The following VPS50 variants were observed in gnomAD, a reference collection of about 807,000 sequenced individuals.
The protein encoded by VPS50 is VPS50 subunit of EARP/GARPII complex.
Under a neutral mutation model 139.7 loss-of-function variants are expected in VPS50, and 70 were observed. The observed-to-expected ratio is 0.50, with a 90% CI of 0.41 to 0.61. The LOEUF (loss-of-function observed/expected upper bound fraction) is 0.61, where lower values mean the gene tolerates loss of function less well. Among genes scored for constraint, VPS50 ranks in the 20% least tolerant of loss-of-function variants. VPS50 has a pLI of 0.00. For synonymous variants in VPS50, 365 were observed against 376.7 expected (o/e 0.97, Z 0.36); for missense variants, 921 against 1,133.7 (o/e 0.81, Z 2.69).
chr7:93,328,706 G>C (rs1797853044), intron 21 of VPS50, among the ~76,000 whole-genome samples: 1 of 152,158 alleles, frequency 6.6e-6, no homozygotes, highest in Admixed American at 6.6e-5. Flanking sequence ...GCGGCCCACG[G>C]TGGGGAACAA....
At chr7:93,272,117 T>C (rs1212157030) in intron 10 of VPS50, among the ~76,000 whole-genome samples, 3 of 151,816 alleles carry the variant, frequency 2.0e-5, no homozygotes, top group African/African-American at 7.2e-5. Context: ...TATTAAAAAC[T>C]CTTATTTCAA....
chr7:93,360,252 A>C lies in VPS50; in HGVS notation c.*1816A>C, dbSNP rs897825482. ...AGGAATCACCTGCCTGGTAGAGCCC[A>C]GTGTTTTCCAAGGTAATAGGAATTG... On this transcript the variant is annotated 3_prime_UTR_variant, in exon 28 of 28. Coordinates refer to ENST00000305866, the MANE Select transcript of VPS50 (RefSeq NM_017667.4). 12 of 152,106 alleles carry C rather than the reference A, an allele frequency of 7.9e-5. No individual in the cohort carries two copies. Among genetic ancestry groups the C allele is most frequent in the Admixed American group, 3.3e-4 (5 of 15,248 alleles). 9.4% of individuals were successfully genotyped at this position (152,106 alleles called of 1,614,324 possible).
chr7:93,345,350 G>A (rs144974794), intron 23 of VPS50, among the ~76,000 whole-genome samples: 74,311 of 151,646 alleles, frequency 0.49, 20,184 homozygotes, highest in African/African-American at 0.73. Context: ...GCTTACCAAC[G>A]AAAAAGAGTC....
intron 21 of VPS50, 23 bp from the exon 22 acceptor site, chr7:93,334,094 T>A: frequency 7.4e-7 from 1 of 1,347,572 alleles, no homozygotes; most frequent in Non-Finnish European, 1.1e-6. Context: ...TAGAACGATA[T>A]AACAAGCCTT....
chr7:93,294,249 G>A (rs1404701902), intron 13 of VPS50, among the ~76,000 whole-genome samples: 1 of 152,172 alleles, frequency 6.6e-6, no homozygotes, highest in East Asian at 1.9e-4. Context: ...GCAGTAGGCA[G>A]TATTGAGAAC....
At chr7:93,297,355 A>C in intron 16 of VPS50, 112 bp downstream of exon 16, 3 of 1,171,084 alleles carry the variant, frequency 2.6e-6, no homozygotes, top group Non-Finnish European at 3.3e-6. Context: ...TTGAATTTGA[A>C]TGTGTTGTAG....
chr7:93,328,516 A>G (rs1269539005), intron 21 of VPS50, among the ~76,000 whole-genome samples: 1 of 152,204 alleles, frequency 6.6e-6, no homozygotes, highest in Non-Finnish European at 1.5e-5. Context: ...TCCTGCAGAA[A>G]ACAACTATAA....
intron 23 of VPS50, among the ~76,000 whole-genome samples, chr7:93,343,097 C>T (rs1018000309): frequency 8.7e-4 from 132 of 152,132 alleles, no homozygotes; most frequent in African/African-American, 2.9e-3. Flanking sequence ...AAAATTTAGA[C>T]GAATGTATAA....
chr7:93,297,209 AAAC>A lies in VPS50; in HGVS notation c.1330_1332del (p.Gln444del). The A allele has an allele frequency of 6.4e-7, 1 of 1,560,970 alleles. No individual in the cohort carries two copies. The highest frequency in any genetic ancestry group is 8.6e-7 in the Non-Finnish European group (1 of 1,163,820). Reference sequence around the variant, plus strand: ...TGAAGTTTTACAGGAATCTATTAGAAAACAAAGTGTCAATTATTTCAAGAATTA... The same window carrying A: ...TGAAGTTTTACAGGAATCTATTAGAAAAAGTGTCAATTATTTCAAGAATTA... On this transcript the variant is annotated inframe_deletion, in exon 16 of 28. Coordinates refer to ENST00000305866, the MANE Select transcript of VPS50 (RefSeq NM_017667.4).
intron 13 of VPS50, among the ~76,000 whole-genome samples, 191 bp downstream of exon 13, chr7:93,292,026 C>A (rs544957532): frequency 6.6e-6 from 1 of 152,068 alleles, no homozygotes; most frequent in African/African-American, 2.4e-5. Flanking sequence ...AGTAACTGGG[C>A]CAAAGGACTT....
At position 93,287,125 on chromosome 7, in the gene VPS50, ATCT is replaced by A. The variant is rs1176077206; in HGVS notation, c.943-4576_943-4574del. Among the ~76,000 whole-genome samples, 8 of 151,514 alleles carry A rather than the reference ATCT, an allele frequency of 5.3e-5. No homozygotes were observed. The South Asian group carries it at 1.7e-3, about 31-fold the overall frequency. On this transcript the variant is annotated intron_variant, in intron 12 of 27. Coordinates refer to ENST00000305866, the MANE Select transcript of VPS50 (RefSeq NM_017667.4). ...TAGAATATGAACTTAGGCAAGAATC[ATCT>A]TGTTTGCTGGTGCTGCGTGTATCAT...
intron 2 of VPS50, among the ~76,000 whole-genome samples, chr7:93,240,508 T>G (rs1486413501): frequency 6.6e-6 from 1 of 152,134 alleles, no homozygotes; most frequent in Non-Finnish European, 1.5e-5. Flanking sequence ...TTACAAATTT[T>G]ATATAGGTTA....
At chr7:93,281,867 T>A (rs1796336773) in intron 12 of VPS50, among the ~76,000 whole-genome samples, 1 of 152,250 alleles carries the variant, frequency 6.6e-6, no homozygotes, top group Admixed American at 6.5e-5. Flanking sequence ...TAAAAGTAGC[T>A]GCACAAACTG....
chr7:93,342,435 A>G (rs929004196), intron 23 of VPS50, among the ~76,000 whole-genome samples: 7 of 152,194 alleles, frequency 4.6e-5, no homozygotes. Context: ...TTGCTTAGGT[A>G]AACAAAGCAG....
At position 93,232,509 on chromosome 7, in the gene VPS50, C is replaced by T. The variant is rs552482234; in HGVS notation, c.33+9C>T. On this transcript the variant is annotated intron_variant, in intron 1 of 27. Coordinates refer to ENST00000305866, the MANE Select transcript of VPS50 (RefSeq NM_017667.4). ...CTCTCATGACCCGACAGGTAAGTCG[C>T]GGCGGCTGAAGCAAAGGCTTCCTTC... 102 of 1,612,360 alleles carry T rather than the reference C, an allele frequency of 6.3e-5. No homozygotes were observed. Among genetic ancestry groups the T allele is most frequent in the Non-Finnish European group, 8.5e-5 (100 of 1,178,546 alleles).
In VPS50 at chr7:93,232,519, A is replaced by G. The variant is rs569400157; in HGVS notation, c.33+19A>G. The stretch of plus-strand genomic sequence containing the variant: ...CCGACAGGTAAGTCGCGGCGGCTGA[A>G]GCAAAGGCTTCCTTCATCTCGGAAG... On this transcript the variant is annotated intron_variant, in intron 1 of 27. Coordinates refer to ENST00000305866, the MANE Select transcript of VPS50 (RefSeq NM_017667.4). The G allele has an allele frequency of 1.2e-6, 2 of 1,609,604 alleles. No homozygotes were observed. The highest frequency in any genetic ancestry group is 2.2e-5 in the South Asian group (2 of 90,986).
chr7:93,245,770 T>G (rs73218081), intron 2 of VPS50, among the ~76,000 whole-genome samples: 6,342 of 152,006 alleles, frequency 0.042, 173 homozygotes, highest in African/African-American at 0.065. Flanking sequence ...ATAAGTTTAT[T>G]TAAAATGCAC....
Position 93,348,696 on chromosome 7 carries a change from A to T in VPS50, c.2208-15A>T. On this transcript the variant is annotated splice_polypyrimidine_tract_variant and intron_variant, in intron 23 of 27. Coordinates refer to ENST00000305866, the MANE Select transcript of VPS50 (RefSeq NM_017667.4). ...ACACAATTTGTTTACACAGTGGGTT[A>T]TTTATTCCCTTTAGGGTATTCTTGG... 6.4e-7 allele frequency: 1 copy of T among 1,551,714 alleles called. No individual in the cohort carries two copies. The highest frequency in any genetic ancestry group is 8.9e-7 in the Non-Finnish European group (1 of 1,124,628).
intron 21 of VPS50, among the ~76,000 whole-genome samples, chr7:93,324,546 C>A (rs946504322): frequency 2.8e-4 from 43 of 152,036 alleles, no homozygotes; most frequent in African/African-American, 9.7e-4. Flanking sequence ...TTGAGATAAT[C>A]GTGGTTTTTG....
Sources: allele counts gnomAD v4.1 joint callset (sites outside exome capture counted in the v4.1 genomes callset), GRCh38; gene constraint gnomAD v4.1.1; transcripts MANE v1.5; gene names NCBI Gene and HGNC (gene_info 2026-07-23, HGNC 2026-07-21).